Variants in RUSC2 observed in about 807,000 individuals in gnomAD.
RUSC2 encodes AP-4 complex accessory subunit RUSC2.
Under a neutral mutation model 122.2 loss-of-function variants are expected in RUSC2, and 34 were observed. That is an observed-to-expected ratio of 0.28 (90% CI 0.21 to 0.37). RUSC2 has a LOEUF of 0.37. Among genes scored for constraint, RUSC2 ranks in the 10% least tolerant of loss-of-function variants. The pLI is 1.00. For missense variants in RUSC2, 1,747 were observed against 1,952.4 expected, an observed-to-expected ratio of 0.89 and a Z score of 1.98; for synonymous variants, 784 against 790.0, an observed-to-expected ratio of 0.99 and a Z score of 0.13.
At chr9:35,526,078 T>C (rs960862486) in intron 1 of RUSC2, among the ~76,000 whole-genome samples, 3 of 152,174 alleles carry the variant, frequency 2.0e-5, no homozygotes, top group African/African-American at 7.2e-5. Context: ...CATGTACTGT[T>C]TTGAATAGAC....
rs763795994 is a variant in RUSC2, at chr9:35,555,472, A to G, written c.2427A>G (p.Thr809=). The change falls in exon 3 of 12, where the codon ACA becomes ACG. Residue 809 remains threonine (T), a synonymous_variant. Coordinates refer to ENST00000361226, the MANE Select transcript of RUSC2 (RefSeq NM_014806.5). The surrounding 1 kb of genome is among the most constrained non-coding windows in gnomAD (Gnocchi z 4.6). ...TSCSPPPEQP[T]ATESLPPWSH... is the part of the protein sequence containing the mutation. ...GCTCCCCTCCCCCAGAGCAGCCCAC[A>G]GCCACAGAAAGCCTGCCCCCATGGA... The G allele has an allele frequency of 1.9e-6, 3 of 1,614,128 alleles. No homozygotes were observed. Among genetic ancestry groups the G allele is most frequent in the Non-Finnish European group, 2.5e-6 (3 of 1,180,006 alleles).
rs535477632 is a variant in RUSC2, at chr9:35,555,611, C to T, written c.2566C>T (p.Pro856Ser). 2.0e-5 allele frequency: 32 copies of T among 1,613,240 alleles called. No individual in the cohort carries two copies. Among genetic ancestry groups the T allele is most frequent in the Non-Finnish European group, 2.6e-5 (31 of 1,180,006 alleles). ...YRLHGTGSLP[P>S]LGSWRSGLSR... ...GCTCCATGGAACAGGAAGCTTGCCG[C>T]CTCTGGGCTCCTGGCGATCTGGCCT... The change falls in exon 3 of 12, where the codon CCT (proline) becomes TCT (serine). Residue 856 changes from proline (P) to serine (S), a missense_variant. Transcript: ENST00000361226. This position sits in a 1 kb window ranked among gnomAD's most constrained non-coding sequence, Gnocchi z 4.6.
intron 1 of RUSC2, among the ~76,000 whole-genome samples, chr9:35,495,408 C>G (rs947388464): frequency 6.7e-6 from 1 of 150,086 alleles, no homozygotes; most frequent in South Asian, 2.1e-4. Flanking sequence ...TTTTCCAACA[C>G]CATTTGTTGA....
chr9:35,560,191 AGCAGCG>A lies in RUSC2; in HGVS notation c.3557_3562del (p.Arg1186_Gln1187del). 1 of 1,605,574 alleles carries A rather than the reference AGCAGCG, an allele frequency of 6.2e-7. No homozygotes were observed. The highest frequency in any genetic ancestry group is 1.3e-5 in the African/African-American group (1 of 75,078). On this transcript the variant is annotated inframe_deletion, in exon 10 of 12. Coordinates refer to ENST00000361226, the MANE Select transcript of RUSC2 (RefSeq NM_014806.5). ...CACCGGCTGCTGCAAAGTGGGCAGC[AGCAGCG>A]GCAGCACAAGGAACTGCTGCGGGTG... is the stretch of plus-strand genomic sequence containing the variant.
Position 35,560,680 on chromosome 9 carries a change from G to GC in RUSC2, c.4046dup (p.Asp1350Ter), listed in dbSNP as rs766814656. ...AGGGGCTGGCCCTTCTGGATGGGGA[G>GC]CCCCCCTGACTCTGTGCTGGCCGAG... On this transcript the variant is annotated frameshift_variant, in exon 10 of 12. Transcript: ENST00000361226. LOFTEE classifies it high-confidence loss of function. 1 of 1,574,346 alleles carries GC rather than the reference G, an allele frequency of 6.4e-7. No homozygotes were observed. The highest frequency in any genetic ancestry group is 8.6e-7 in the Non-Finnish European group (1 of 1,159,074).
In RUSC2 at chr9:35,559,246, G is replaced by A; in HGVS notation, c.3362G>A (p.Trp1121Ter). The change falls in exon 9 of 12, where the codon TGG becomes TAG. Residue 1121 changes from tryptophan to a stop codon, truncating the protein, a stop_gained. Transcript: ENST00000361226. LOFTEE classifies it high-confidence loss of function. ...TACAGCATCCGGTCCCTGGAGTTCT[G>A]GTTTAATCACCTCTATAACCACGAA... ...GLLNIRSLEF[W>*]FNHLYNHEDI... 1 of 1,613,636 alleles carries A rather than the reference G, an allele frequency of 6.2e-7. No individual in the cohort carries two copies. The highest frequency in any genetic ancestry group is 8.5e-7 in the Non-Finnish European group (1 of 1,179,556).
intron 1 of RUSC2, among the ~76,000 whole-genome samples, chr9:35,515,166 A>C (rs779260069): frequency 1.8e-4 from 27 of 152,234 alleles, no homozygotes; most frequent in South Asian, 6.2e-4. Context: ...AGATACACAT[A>C]TACCACTGTT....
At position 35,555,637 on chromosome 9, in the gene RUSC2, C is replaced by A; in HGVS notation, c.2592C>A (p.Leu864=). 1 of 1,610,834 alleles carries A rather than the reference C, an allele frequency of 6.2e-7. No individual in the cohort carries two copies. The change falls in exon 3 of 12, where the codon CTC becomes CTA. Residue 864 remains leucine, a synonymous_variant. Coordinates refer to ENST00000361226, the MANE Select transcript of RUSC2 (RefSeq NM_014806.5). The surrounding 1 kb of genome is among the most constrained non-coding windows in gnomAD (Gnocchi z 4.6). ...CTCTGGGCTCCTGGCGATCTGGCCT[C>A]AGCCGAGCAGAGAGCCTGGCCCGGG... is the stretch of plus-strand genomic sequence containing the variant. ...LPPLGSWRSG[L]SRAESLARGG...
In RUSC2 at chr9:35,547,652, T is replaced by C; in HGVS notation, c.1131T>C (p.Ala377=). 6.2e-7 allele frequency: 1 copy of C among 1,614,230 alleles called. No homozygotes were observed. The highest frequency in any genetic ancestry group is 8.5e-7 in the Non-Finnish European group (1 of 1,180,036). The change falls in exon 2 of 12, where the codon GCT becomes GCC. Residue 377 remains alanine, a synonymous_variant. Transcript: ENST00000361226. This position sits in a 1 kb window ranked among gnomAD's most constrained non-coding sequence, Gnocchi z 4.6. ...RPHCEPCPAV[A]DLTACFQSQA... The stretch of plus-strand genomic sequence containing the variant: ...ACTGTGAGCCGTGCCCAGCAGTGGC[T>C]GACCTCACAGCCTGCTTCCAAAGCC...
intron 5 of RUSC2, 117 bp downstream of exon 5, chr9:35,556,565 C>T (rs1822025962): frequency 7.9e-7 from 1 of 1,262,274 alleles, no homozygotes; most frequent in Admixed American, 2.4e-5. Flanking sequence ...TGGCTCACGC[C>T]TGTAATCCCA....
Position 35,561,262 on chromosome 9 carries a change from G to C in RUSC2, c.4431G>C (p.Leu1477=). 1 of 1,614,194 alleles carries C rather than the reference G, an allele frequency of 6.2e-7. No homozygotes were observed. Among genetic ancestry groups the C allele is most frequent in the East Asian group, 2.2e-5 (1 of 44,878 alleles). The change falls in exon 12 of 12, where the codon CTG becomes CTC. Residue 1477 remains leucine (L), a synonymous_variant. Coordinates refer to ENST00000361226, the MANE Select transcript of RUSC2 (RefSeq NM_014806.5). ...ACAAAGGAGACATCCTACGAGTGCT[G>C]GGGCGAGCTGGAGGAGACTGGCTGC... ...SFHKGDILRV[L]GRAGGDWLRC... is the part of the protein sequence containing the mutation.
chr9:35,556,391 T>C lies in RUSC2; in HGVS notation c.2926T>C (p.Cys976Arg). The change falls in exon 5 of 12, where the codon TGT becomes CGT. Residue 976 changes from cysteine to arginine, a missense_variant. Transcript: ENST00000361226. Reference protein sequence around the residue: ...SLTEKPPAEFCLSPDGSSEAI... With the variant: ...SLTEKPPAEFRLSPDGSSEAI... ...GACGGAGAAGCCTCCAGCTGAGTTT[T>C]GTCTGTCCCCAGATGGCAGCTCAGA... is the stretch of plus-strand genomic sequence containing the variant. The C allele has an allele frequency of 6.2e-7, 1 of 1,614,242 alleles. No homozygotes were observed.
intron 1 of RUSC2, among the ~76,000 whole-genome samples, chr9:35,534,231 T>A (rs1048778818): frequency 6.6e-6 from 1 of 152,210 alleles, no homozygotes; most frequent in African/African-American, 2.4e-5. Context: ...TTTGTTTATA[T>A]AAGTACTTGT....
intron 1 of RUSC2, among the ~76,000 whole-genome samples, chr9:35,525,114 T>G (rs910873253): frequency 6.6e-6 from 1 of 152,208 alleles, no homozygotes; most frequent in Non-Finnish European, 1.5e-5. Context: ...TGGCCTTTTT[T>G]TGTGTGGGGA....
In RUSC2 at chr9:35,547,466, A is replaced by C; in HGVS notation, c.945A>C (p.Ser315=). The part of the protein sequence containing the change: ...SCSDSSFCSH[S]DPGAFYLDLQ... ...GCGACTCTTCCTTCTGCAGCCACTCAGACCCTGGCGCCTTCTATCTGGATC... is the reference window on the plus strand; with the variant it reads ...GCGACTCTTCCTTCTGCAGCCACTCCGACCCTGGCGCCTTCTATCTGGATC... Residue 315 remains serine (S), a synonymous_variant, in exon 2 of 12, where the codon TCA becomes TCC. Transcript: ENST00000361226. The surrounding 1 kb of genome is among the most constrained non-coding windows in gnomAD (Gnocchi z 4.6). The C allele has an allele frequency of 6.2e-7, 1 of 1,614,208 alleles. No individual in the cohort carries two copies. The highest frequency in any genetic ancestry group is 1.1e-5 in the South Asian group (1 of 91,080).
chr9:35,520,353 G>C (rs938113687), intron 1 of RUSC2, among the ~76,000 whole-genome samples: 2 of 152,162 alleles, frequency 1.3e-5, no homozygotes, highest in Non-Finnish European at 2.9e-5. Flanking sequence ...TGCTGAGGGA[G>C]GGGTGTACTT....
intron 1 of RUSC2, among the ~76,000 whole-genome samples, chr9:35,528,841 T>G (rs913024776): frequency 2.0e-5 from 3 of 152,108 alleles, no homozygotes; most frequent in Non-Finnish European, 2.9e-5. Flanking sequence ...ATCCCAGCAG[T>G]TGGGGAGACC....
At chr9:35,496,809 C>G (rs1022724153) in intron 1 of RUSC2, among the ~76,000 whole-genome samples, 1 of 152,160 alleles carries the variant, frequency 6.6e-6, no homozygotes, top group Non-Finnish European at 1.5e-5. Flanking sequence ...GATCCATGCA[C>G]TACATGGTGT....
intron 1 of RUSC2, among the ~76,000 whole-genome samples, chr9:35,540,783 T>TA (rs1821627700): frequency 6.6e-6 from 1 of 152,154 alleles, no homozygotes; most frequent in South Asian, 2.1e-4. Flanking sequence ...GCAAGGACTT[T>TA]AGGAAGAGGG....
Sources: gnomAD v4.1 joint callset for allele counts (sites outside exome capture counted in the v4.1 genomes callset) on GRCh38, gnomAD v4.1.1 for gene constraint, Gnocchi (gnomAD v3.1) non-coding constraint, MANE v1.5 for transcripts, NCBI Gene and HGNC (gene_info 2026-07-23, HGNC 2026-07-21) for gene names.